The following VPS13C variants were observed in gnomAD, a reference collection of about 807,000 sequenced individuals.
The protein encoded by VPS13C is intermembrane lipid transfer protein VPS13C.
Under a neutral mutation model 456.8 loss-of-function variants are expected in VPS13C, and 358 were observed. That is an observed-to-expected ratio of 0.78 (90% CI 0.72 to 0.86). The LOEUF (loss-of-function observed/expected upper bound fraction) is 0.86, where lower values mean the gene tolerates loss of function less well. VPS13C is among the 40% of genes least tolerant of loss of function. The pLI, the probability that VPS13C is intolerant of heterozygous loss-of-function variation, is 0.00. For synonymous variants in VPS13C, 1,578 were observed against 1,486.7 expected (o/e 1.06, Z -1.41); for missense variants, 4,818 against 4,385.4 (o/e 1.10, Z -2.79).
rs1016913805 is a variant in VPS13C at position 61,959,638 on chromosome 15, A to G, written c.3909-43T>C. On this transcript the variant is annotated intron_variant, in intron 35 of 84. Coordinates refer to ENST00000644861, the MANE Select transcript of VPS13C (RefSeq NM_020821.3). ...GTTACATAATGCATAGATATAGGGTAGAAATGCAACATATTAAAAAAAAGC... is the reference window on the plus strand; with the variant it reads ...GTTACATAATGCATAGATATAGGGTGGAAATGCAACATATTAAAAAAAAGC... The G allele has an allele frequency of 2.5e-6, 4 of 1,572,376 alleles. No individual in the cohort carries two copies. The African/African-American group carries it at 4.1e-5, about 16-fold the overall frequency.
At position 61,856,405 on chromosome 15, in the gene VPS13C, C is replaced by A. The variant is rs777440107; in HGVS notation, c.10957G>T (p.Val3653Leu). The change falls in exon 83 of 85, where the codon GTG (valine) becomes TTG (leucine). Residue 3653 changes from valine to leucine, a missense_variant. Val to Leu is a conservative substitution (Grantham distance 32, BLOSUM62 1). Coordinates refer to ENST00000644861, the MANE Select transcript of VPS13C (RefSeq NM_020821.3). ...KTILMVTNRR[V>L]LCIKEVEILG... The stretch of plus-strand genomic sequence containing the variant: ...ATTTCAACTTCCTTTATACACAACA[C>A]TCGCCTATTTTGCAAAAGAAAACAA... 1.2e-6 allele frequency: 2 copies of A among 1,610,382 alleles called. No homozygotes were observed. The highest frequency in any genetic ancestry group is 1.7e-6 in the Non-Finnish European group (2 of 1,178,702).
At chr15:61,891,073 T>A (rs1338614031) in intron 66 of VPS13C, among the ~76,000 whole-genome samples, 1 of 152,096 alleles carries the variant, frequency 6.6e-6, no homozygotes, top group Non-Finnish European at 1.5e-5. Flanking sequence ...AAATGTAACC[T>A]CAGACAAAAC....
Position 61,972,801 on chromosome 15 carries a change from G to A in VPS13C, c.2618-37C>T, listed in dbSNP as rs1222061313. 7 of 1,562,082 alleles carry A rather than the reference G, an allele frequency of 4.5e-6. No individual in the cohort carries two copies. The Admixed American group carries it at 1.1e-4, about 25-fold the overall frequency. On this transcript the variant is annotated intron_variant, in intron 26 of 84. Coordinates refer to ENST00000644861, the MANE Select transcript of VPS13C (RefSeq NM_020821.3). Reference sequence around the variant, plus strand: ...AGACATTTATTTGATCTGAGACAATGTACATTGAAAACTGCATGAAACACT... The same window carrying A: ...AGACATTTATTTGATCTGAGACAATATACATTGAAAACTGCATGAAACACT...
chr15:61,905,885 T>C (rs2043139743), intron 66 of VPS13C, among the ~76,000 whole-genome samples: 1 of 152,148 alleles, frequency 6.6e-6, no homozygotes, highest in Non-Finnish European at 1.5e-5. Flanking sequence ...TTTTGCTGTC[T>C]TTATCTTTTA....
intron 54 of VPS13C, 80 bp downstream of exon 54, chr15:61,922,317 C>A (rs1181216425): frequency 6.6e-7 from 1 of 1,519,188 alleles, no homozygotes; most frequent in Non-Finnish European, 8.8e-7. Context: ...TGGCCATGCA[C>A]AAACAAGAAA....
At chr15:62,008,841 T>G (rs555047935) in intron 13 of VPS13C, 80 bp from the exon 14 acceptor site, 42 of 798,112 alleles carry the variant, frequency 5.3e-5, no homozygotes, top group Non-Finnish European at 7.4e-5. Context: ...TTTTTTAGGC[T>G]AGTGAGACTC....
chr15:61,991,225 T>A (rs896753553), intron 17 of VPS13C, 131 bp from the exon 18 acceptor site: 1 of 659,666 alleles, frequency 1.5e-6, no homozygotes, highest in Admixed American at 3.1e-5. Context: ...CCAGGTAATA[T>A]CCTCTAATAT....
At chr15:61,892,826 T>G (rs1301655896) in intron 66 of VPS13C, among the ~76,000 whole-genome samples, 2 of 152,210 alleles carry the variant, frequency 1.3e-5, no homozygotes, top group Non-Finnish European at 2.9e-5. Flanking sequence ...AATGCTGGAA[T>G]GATGAAATAA....
At chr15:61,876,464 A>G (rs1169805034) in intron 75 of VPS13C, among the ~76,000 whole-genome samples, 1 of 152,050 alleles carries the variant, frequency 6.6e-6, no homozygotes, top group Non-Finnish European at 1.5e-5. Context: ...ACATGTAACA[A>G]TCATAATGTC....
At chr15:62,018,570 T>C (rs1248843401) in intron 9 of VPS13C, among the ~76,000 whole-genome samples, 1 of 151,904 alleles carries the variant, frequency 6.6e-6, no homozygotes, top group Admixed American at 6.6e-5. Context: ...TTTGGTTCTG[T>C]TTATATGCTG....
intron 24 of VPS13C, among the ~76,000 whole-genome samples, chr15:61,975,923 T>C (rs1413881036): frequency 6.6e-6 from 1 of 152,050 alleles, no homozygotes; most frequent in African/African-American, 2.4e-5. Flanking sequence ...GTATTTAAGA[T>C]TTGGGAATAT....
chr15:61,873,036 C>T (rs1423741052), intron 78 of VPS13C, among the ~76,000 whole-genome samples: 6 of 152,062 alleles, frequency 3.9e-5, no homozygotes, highest in Admixed American at 2.6e-4. Context: ...GTCATCATTA[C>T]AGTTTTATGA....
chr15:61,981,769 A>T (rs2045896208), intron 21 of VPS13C, among the ~76,000 whole-genome samples: 1 of 152,170 alleles, frequency 6.6e-6, no homozygotes, highest in Non-Finnish European at 1.5e-5. Flanking sequence ...AGGCTGAGGC[A>T]GGAGAATGGC....
chr15:61,934,790 GC>G (rs1461162265), intron 48 of VPS13C, among the ~76,000 whole-genome samples: 1 of 151,858 alleles, frequency 6.6e-6, no homozygotes, highest in Non-Finnish European at 1.5e-5. Flanking sequence ...TCGCTGTGTT[GC>G]CCAGGCTGGA....
chr15:61,857,058 G>A (rs1893955945), intron 82 of VPS13C, among the ~76,000 whole-genome samples: 3 of 152,096 alleles, frequency 2.0e-5, no homozygotes, highest in Admixed American at 6.6e-5. Flanking sequence ...ATTTCTCAGT[G>A]TGTGATTCAT....
At chr15:61,990,946 C>A in intron 18 of VPS13C, 54 bp downstream of exon 18, 3 of 1,194,444 alleles carry the variant, frequency 2.5e-6, no homozygotes, top group Admixed American at 2.0e-5. Flanking sequence ...TAATCCAATT[C>A]AATCTAATAT....
chr15:62,012,337 A>C (rs1053590448), intron 11 of VPS13C, among the ~76,000 whole-genome samples, 173 bp from the exon 12 acceptor site: 1 of 151,818 alleles, frequency 6.6e-6, no homozygotes, highest in Non-Finnish European at 1.5e-5. Flanking sequence ...ATTATTTATA[A>C]GTATAAAGAT....
At chr15:61,873,066 T>C (rs1187546806) in intron 78 of VPS13C, among the ~76,000 whole-genome samples, 180 bp downstream of exon 78, 1 of 152,062 alleles carries the variant, frequency 6.6e-6, no homozygotes, top group Non-Finnish European at 1.5e-5. Flanking sequence ...ATTCAGGGGA[T>C]AGATCTGGTG....
At chr15:61,931,381 G>A (rs2044050238) in intron 49 of VPS13C, 122 bp from the exon 50 acceptor site, 27 of 962,600 alleles carry the variant, frequency 2.8e-5, no homozygotes, top group Non-Finnish European at 3.8e-5. Context: ...AAAAGTATGA[G>A]TGCTAAAACA....
Sources: allele counts gnomAD v4.1 joint callset (sites outside exome capture counted in the v4.1 genomes callset), GRCh38; gene constraint gnomAD v4.1.1; transcripts MANE v1.5; gene names NCBI Gene and HGNC (gene_info 2026-07-23, HGNC 2026-07-21).